The following IFT80 variants were observed in gnomAD, a reference collection of about 807,000 sequenced individuals.
The protein encoded by IFT80 is intraflagellar transport 80.
A neutral mutation model predicts 107.9 loss-of-function variants in IFT80; 79 were observed. The ratio of observed to expected loss-of-function variants is 0.73; its 90% CI spans 0.61 to 0.88. IFT80 has a LOEUF of 0.88. Among genes scored for constraint, IFT80 ranks in the 40% least tolerant of loss-of-function variants. The probability of loss-of-function intolerance (pLI) is 0.00; values close to 1 mark genes in which losing one functional copy is unlikely to be tolerated. For synonymous variants in IFT80, 299 were observed against 300.9 expected (o/e 0.99, Z 0.07); for missense variants, 797 against 914.2 (o/e 0.87, Z 1.65).
intron 18 of IFT80, among the ~76,000 whole-genome samples, chr3:160,276,128 G>C (rs570918062): frequency 6.6e-6 from 1 of 151,924 alleles, no homozygotes; most frequent in Non-Finnish European, 1.5e-5. Context: ...TCAGCCTCCC[G>C]AAGTGTTGGG....
intron 1 of IFT80, among the ~76,000 whole-genome samples, chr3:160,387,228 G>A (rs1364967193): frequency 3.9e-5 from 6 of 152,194 alleles, no homozygotes; most frequent in Admixed American, 1.3e-4. Flanking sequence ...AGTTGTGGCC[G>A]GGTGCGGTGG....
chr3:160,296,005 T>C (rs1026265957), intron 12 of IFT80, among the ~76,000 whole-genome samples: 3 of 151,966 alleles, frequency 2.0e-5, no homozygotes, highest in Non-Finnish European at 2.9e-5. Context: ...GAGGGGGAAA[T>C]GGGGAGTTGC....
intron 18 of IFT80, among the ~76,000 whole-genome samples, chr3:160,271,957 T>C (rs1469871363): frequency 6.6e-6 from 1 of 150,814 alleles, no homozygotes; most frequent in South Asian, 2.1e-4. Context: ...AAAAAAAACC[T>C]AAATCTAATC....
At chr3:160,276,872 T>C (rs1714306717) in intron 18 of IFT80, among the ~76,000 whole-genome samples, 1 of 152,210 alleles carries the variant, frequency 6.6e-6, no homozygotes, top group African/African-American at 2.4e-5. Context: ...CCATTTCTCT[T>C]GCTTCAACTA....
chr3:160,354,822 T>C (rs1045364950), intron 8 of IFT80, among the ~76,000 whole-genome samples: 13 of 151,862 alleles, frequency 8.6e-5, no homozygotes, highest in African/African-American at 3.1e-4. Context: ...ACTTAGAGAG[T>C]TGTGGGGGAA....
At chr3:160,320,821 T>C (rs1718158531) in intron 8 of IFT80, among the ~76,000 whole-genome samples, 1 of 151,882 alleles carries the variant, frequency 6.6e-6, no homozygotes, top group African/African-American at 2.4e-5. Flanking sequence ...GAAATACTCA[T>C]TATTAGCTAC....
intron 9 of IFT80, among the ~76,000 whole-genome samples, chr3:160,308,048 T>C (rs991550286): frequency 6.6e-6 from 1 of 152,106 alleles, no homozygotes; most frequent in African/African-American, 2.4e-5. Context: ...CTTAATGATG[T>C]AGCAATGGAG....
chr3:160,284,177 A>G (rs1714912983), intron 13 of IFT80, among the ~76,000 whole-genome samples: 1 of 152,130 alleles, frequency 6.6e-6, no homozygotes, highest in Non-Finnish European at 1.5e-5. Context: ...CATTCTTATA[A>G]TTAGGAAATT....
intron 8 of IFT80, among the ~76,000 whole-genome samples, chr3:160,353,656 G>A (rs992409756): frequency 2.1e-4 from 32 of 152,138 alleles, no homozygotes; most frequent in Non-Finnish European, 4.4e-5. Context: ...TCTAGTCAAT[G>A]TCCCACAGGC....
chr3:160,299,249 A>G (rs1716224594), intron 12 of IFT80: 1 of 1,157,760 alleles, frequency 8.6e-7, no homozygotes, highest in Non-Finnish European at 1.1e-6. Context: ...AAAAAAAATT[A>G]CCAAAAGTCT....
chr3:160,333,244 G>A (rs1719213971), intron 8 of IFT80, among the ~76,000 whole-genome samples: 2 of 152,302 alleles, frequency 1.3e-5, no homozygotes, highest in South Asian at 2.1e-4. Flanking sequence ...GGGTGAGTCA[G>A]GAAGTGAATG....
rs1716012419 is a variant in IFT80, at chr3:160,296,737, T to C, written c.1315+4146A>G. On this transcript the variant is annotated intron_variant, in intron 12 of 19. Transcript: ENST00000326448. ...AGAAAGGCTTTGCCTGGGTCACCAATGACCCATATATTGCCAAATCAAAGA... is the reference window on the plus strand; with the variant it reads ...AGAAAGGCTTTGCCTGGGTCACCAACGACCCATATATTGCCAAATCAAAGA... Among the ~76,000 whole-genome samples the C allele has an allele frequency of 2.6e-5, 4 of 152,302 alleles. No individual in the cohort carries two copies. In the South Asian group the frequency reaches 8.3e-4, roughly 32 times the overall value.
At chr3:160,312,622 TATATATATATAATAA>T (rs1717372712) in intron 9 of IFT80, among the ~76,000 whole-genome samples, 2 of 46,214 alleles carry the variant, frequency 4.3e-5, no homozygotes, top group South Asian at 4.5e-4. Flanking sequence ...AAATATATAA[TATATATATATAATAA>T]ATATATATTA....
chr3:160,292,289 G>A (rs921915310), intron 12 of IFT80, among the ~76,000 whole-genome samples: 2 of 152,146 alleles, frequency 1.3e-5, no homozygotes, highest in African/African-American at 2.4e-5. Context: ...AATCCATAAT[G>A]TCCAACAATG....
intron 15 of IFT80, among the ~76,000 whole-genome samples, chr3:160,280,270 C>T (rs919368006): frequency 4.6e-5 from 7 of 152,100 alleles, no homozygotes; most frequent in African/African-American, 1.7e-4. Flanking sequence ...AAATTCAATT[C>T]TAGAGACATT....
At position 160,369,455 on chromosome 3, in the gene IFT80, C is replaced by T. The variant is rs556977432; in HGVS notation, c.440-3303G>A. On this transcript the variant is annotated intron_variant, in intron 5 of 19. Coordinates refer to ENST00000326448, the MANE Select transcript of IFT80 (RefSeq NM_020800.3). ...AAATATTAAGCATTAAACTACTGTA[C>T]ATATAAACATTTTCTTTTCTAAAAG... 1.2e-4 allele frequency among the ~76,000 whole-genome samples: 18 copies of T among 151,926 alleles called. No individual in the cohort carries two copies. In the South Asian group the frequency reaches 3.5e-3, roughly 30 times the overall value.
At chr3:160,336,513 C>T (rs968025787) in intron 8 of IFT80, among the ~76,000 whole-genome samples, 1 of 151,678 alleles carries the variant, frequency 6.6e-6, no homozygotes, top group South Asian at 2.1e-4. Context: ...CTTTTCTCTC[C>T]CCCATTTCCT....
chr3:160,298,333 A>C (rs1032695822), intron 12 of IFT80, among the ~76,000 whole-genome samples: 4 of 152,188 alleles, frequency 2.6e-5, no homozygotes, highest in Non-Finnish European at 2.9e-5. Flanking sequence ...TAAAAAAGGA[A>C]CATACAAAAT....
In IFT80 at chr3:160,282,736, T is replaced by C. The variant is rs946930231; in HGVS notation, c.1381-123A>G. On this transcript the variant is annotated intron_variant, in intron 13 of 19. Coordinates refer to ENST00000326448, the MANE Select transcript of IFT80 (RefSeq NM_020800.3). Reference sequence around the variant, plus strand: ...AATGTCATTTCCCCATTTATAATGATAAAATGTCCCTGTTAAATAATTTTA... The same window carrying C: ...AATGTCATTTCCCCATTTATAATGACAAAATGTCCCTGTTAAATAATTTTA... 10 of 670,104 alleles carry C rather than the reference T, an allele frequency of 1.5e-5. No homozygotes were observed. The African/African-American group carries it at 1.8e-4, about 12-fold the overall frequency. The allele number at this position is 670,104 out of a possible 1,614,324, so 41.5% of individuals were successfully genotyped here.
Sources: allele counts gnomAD v4.1 joint callset (sites outside exome capture counted in the v4.1 genomes callset), GRCh38; gene constraint gnomAD v4.1.1; transcripts MANE v1.5; gene names NCBI Gene and HGNC (gene_info 2026-07-23, HGNC 2026-07-21).